Variants in HSF2 observed in about 807,000 individuals in gnomAD.
HSF2 encodes the protein heat shock transcription factor 2.
In HSF2, 21 loss-of-function variants were observed where a neutral mutation model predicts 65.0. The observed-to-expected ratio is 0.32, with a 90% CI of 0.23 to 0.47. HSF2 has a LOEUF of 0.47. Among genes scored for constraint, HSF2 ranks in the 20% least tolerant of loss-of-function variants. HSF2 has a pLI of 1.00. For missense variants in HSF2, 499 were observed against 628.1 expected, an observed-to-expected ratio of 0.79 and a Z score of 2.20; for synonymous variants, 225 against 219.1, an observed-to-expected ratio of 1.03 and a Z score of -0.24.
At chr6:122,419,468 G>A (rs1407297478) in intron 6 of HSF2, among the ~76,000 whole-genome samples, 2 of 152,048 alleles carry the variant, frequency 1.3e-5, no homozygotes, top group Non-Finnish European at 2.9e-5. Flanking sequence ...CATACATACA[G>A]TTAATACAAA....
At chr6:122,430,981 T>C (rs1216512283) in intron 11 of HSF2, among the ~76,000 whole-genome samples, 1 of 152,166 alleles carries the variant, frequency 6.6e-6, no homozygotes, top group Non-Finnish European at 1.5e-5. Context: ...CCTGAGCTAC[T>C]CTAAATATGT....
intron 3 of HSF2, 71 bp from the exon 4 acceptor site, chr6:122,413,454 A>G (rs1774046312): frequency 1.7e-6 from 2 of 1,175,792 alleles, no homozygotes; most frequent in East Asian, 5.0e-5. Context: ...ACCTCTTCTA[A>G]TAGGGAAGCT....
intron 1 of HSF2, among the ~76,000 whole-genome samples, chr6:122,404,276 G>A (rs535354166): frequency 1.3e-5 from 2 of 152,298 alleles, no homozygotes; most frequent in African/African-American, 4.8e-5. Flanking sequence ...CAAAGTGCTA[G>A]TATTGTTTTG....
intron 11 of HSF2, 61 bp downstream of exon 11, chr6:122,428,017 A>G: frequency 2.9e-6 from 3 of 1,028,858 alleles, no homozygotes; most frequent in Admixed American, 4.2e-5. Context: ...AAACGTCCTA[A>G]TAAGTAGAGA....
intron 1 of HSF2, among the ~76,000 whole-genome samples, chr6:122,401,650 T>A (rs1773736800): frequency 6.6e-6 from 1 of 152,218 alleles, no homozygotes; most frequent in Non-Finnish European, 1.5e-5. Flanking sequence ...ACTTTAAGCT[T>A]ATGTGTTAAC....
At chr6:122,413,765 G>A in intron 4 of HSF2, 116 bp downstream of exon 4, 1 of 877,354 alleles carries the variant, frequency 1.1e-6, no homozygotes, top group Non-Finnish European at 1.8e-6. Context: ...CTTTGTTGAA[G>A]CCAAGATCAA....
chr6:122,411,971 A>G (rs957623045), intron 1 of HSF2, among the ~76,000 whole-genome samples: 2 of 151,966 alleles, frequency 1.3e-5, no homozygotes, highest in African/African-American at 4.8e-5. Context: ...GTCTACTGCA[A>G]ATAATTATAA....
At chr6:122,426,563 A>G (rs1482314270) in intron 10 of HSF2, among the ~76,000 whole-genome samples, 1 of 152,096 alleles carries the variant, frequency 6.6e-6, no homozygotes. Flanking sequence ...ATGAGTCACT[A>G]TCTACTCTCA....
intron 11 of HSF2, 61 bp downstream of exon 11, chr6:122,428,017 ATAAG>A: frequency 9.7e-7 from 1 of 1,028,858 alleles, no homozygotes; most frequent in South Asian, 1.5e-5. Flanking sequence ...AAACGTCCTA[ATAAG>A]TAGAGAGCAA....
intron 3 of HSF2, 106 bp from the exon 4 acceptor site, chr6:122,413,419 C>G: frequency 1.3e-6 from 1 of 755,130 alleles, no homozygotes; most frequent in South Asian, 2.0e-5. Context: ...GGAACCAGAT[C>G]TCACTTCCTG....
intron 11 of HSF2, among the ~76,000 whole-genome samples, chr6:122,430,517 T>G (rs1444660737): frequency 1.3e-5 from 2 of 152,128 alleles, no homozygotes; most frequent in Non-Finnish European, 2.9e-5. Context: ...GAATGCTAAG[T>G]GATGAAATAT....
Position 122,419,183 on chromosome 6 carries a change from GT to G in HSF2, c.549del (p.Thr184HisfsTer9). On this transcript the variant is annotated frameshift_variant, in exon 6 of 13. Transcript: ENST00000368455. LOFTEE classifies it high-confidence loss of function. ...QVIRKIVQFI[V>X]TLVQNNQLVS... The stretch of plus-strand genomic sequence containing the variant: ...TTTTTTTCAGATTGTCCAGTTTATT[GT>G]TACATTGGTTCAAAATAACCAACTT... 2.0e-6 allele frequency: 3 copies of G among 1,473,810 alleles called. No homozygotes were observed. Among genetic ancestry groups the G allele is most frequent in the Non-Finnish European group, 2.8e-6 (3 of 1,059,422 alleles). 91.3% of individuals were successfully genotyped at this position (1,473,810 alleles called of 1,614,324 possible). A position where few individuals can be genotyped will look rare whatever the true frequency, so the allele number is the denominator to read the frequency against.
At chr6:122,399,920 C>A in intron 1 of HSF2, 90 bp downstream of exon 1, 1 of 1,006,070 alleles carries the variant, frequency 9.9e-7, no homozygotes, top group Non-Finnish European at 1.5e-6. Context: ...GGCCTTGCGG[C>A]TCGACGCTGT....
rs772580132 is a variant in HSF2, at chr6:122,431,432, T to G, written c.1233T>G (p.Ser411=). Residue 411 remains serine, a splice_region_variant and synonymous_variant, in exon 12 of 13, where the codon TCT becomes TCG. Coordinates refer to ENST00000368455, the MANE Select transcript of HSF2 (RefSeq NM_004506.4). ...NPTDYINNTK[S]ENKGLETTKN... The stretch of plus-strand genomic sequence containing the variant: ...ATATATATATTTTTTTCTTTTAGTC[T>G]GAGAATAAAGGATTAGAAACTACCA... The G allele has an allele frequency of 1.3e-5, 20 of 1,489,542 alleles. No individual in the cohort carries two copies. The East Asian group carries it at 2.1e-4, about 16-fold the overall frequency. 92.3% of individuals were successfully genotyped at this position (1,489,542 alleles called of 1,614,324 possible).
At chr6:122,412,610 G>C in intron 2 of HSF2, 27 bp from the exon 3 acceptor site, 1 of 1,604,080 alleles carries the variant, frequency 6.2e-7, no homozygotes. Context: ...GTTTATTTTA[G>C]TCATTTGAAT....
intron 10 of HSF2, among the ~76,000 whole-genome samples, chr6:122,427,250 G>A (rs1774358045): frequency 6.6e-6 from 1 of 152,044 alleles, no homozygotes; most frequent in Non-Finnish European, 1.5e-5. Context: ...TCTTTATGAT[G>A]TCAGTTATTT....
Position 122,399,660 on chromosome 6 carries a change from G to T in HSF2, c.-78G>T. Reference sequence around the variant, plus strand: ...GCGCCTGCGTTGTGGGCGTTCTCGGGGAGCTGCTGCCGTAGCTGCCGCCGC... The same window carrying T: ...GCGCCTGCGTTGTGGGCGTTCTCGGTGAGCTGCTGCCGTAGCTGCCGCCGC... On this transcript the variant is annotated 5_prime_UTR_variant, in exon 1 of 13. Transcript: ENST00000368455. 8.1e-7 allele frequency: 1 copy of T among 1,228,410 alleles called. No individual in the cohort carries two copies. The allele number at this position is 1,228,410 out of a possible 1,614,324, so 76.1% of individuals were successfully genotyped here.
intron 6 of HSF2, 63 bp from the exon 7 acceptor site, chr6:122,420,072 T>C (rs1417260507): frequency 2.6e-6 from 4 of 1,520,522 alleles, no homozygotes; most frequent in East Asian, 4.7e-5. Context: ...GGTAAGTTAA[T>C]AGAGGGAGTT....
intron 1 of HSF2, among the ~76,000 whole-genome samples, chr6:122,404,505 C>T (rs1773818326): frequency 6.6e-6 from 1 of 152,058 alleles, no homozygotes. Context: ...ATTAGCAAGC[C>T]ACAAATTTCT....
Sources: gnomAD v4.1 joint callset for allele counts (sites outside exome capture counted in the v4.1 genomes callset) on GRCh38, gnomAD v4.1.1 for gene constraint, MANE v1.5 for transcripts, NCBI Gene and HGNC (gene_info 2026-07-23, HGNC 2026-07-21) for gene names.